The following MS4A13 variants were observed in gnomAD, a reference collection of about 807,000 sequenced individuals.
The protein encoded by MS4A13 is membrane-spanning 4-domains subfamily A member 13.
Under a neutral mutation model 18.4 loss-of-function variants are expected in MS4A13, and 21 were observed. That is an observed-to-expected ratio of 1.14 (90% CI 0.81 to 1.64). The LOEUF is 1.64. Among genes scored for constraint, MS4A13 ranks in the 40% most tolerant of loss-of-function variants. The pLI is 0.00. For synonymous variants in MS4A13, 62 were observed against 57.2 expected (o/e 1.08, Z -0.38); for missense variants, 173 against 176.8 (o/e 0.98, Z 0.12).
At chr11:60,527,350 C>T (rs1270826827) in intron 5 of MS4A13, among the ~76,000 whole-genome samples, 1 of 141,384 alleles carries the variant, frequency 7.1e-6, no homozygotes, top group Non-Finnish European at 1.5e-5. Flanking sequence ...CTGCCAGGAA[C>T]TCATTCATTC....
At chr11:60,526,932 T>C (rs1464825095) in intron 5 of MS4A13, among the ~76,000 whole-genome samples, 2 of 152,256 alleles carry the variant, frequency 1.3e-5, no homozygotes, top group Non-Finnish European at 2.9e-5. Flanking sequence ...TTCCAAGTTT[T>C]CTTTTGTGAG....
intron 6 of MS4A13, among the ~76,000 whole-genome samples, chr11:60,538,185 AAAAAAACG>A (rs2086824631): frequency 2.0e-5 from 3 of 151,216 alleles, no homozygotes; most frequent in South Asian, 2.1e-4. Flanking sequence ...AATAAAAAAA[AAAAAAACG>A]AAAAAAAAAA....
At chr11:60,532,209 C>A (rs1222427956) in intron 6 of MS4A13, among the ~76,000 whole-genome samples, 1 of 152,218 alleles carries the variant, frequency 6.6e-6, no homozygotes, top group Non-Finnish European at 1.5e-5. Context: ...CTACAGCTCC[C>A]AGCATGAGCG....
At chr11:60,530,265 G>T (rs1649219358) in intron 6 of MS4A13, among the ~76,000 whole-genome samples, 1 of 152,216 alleles carries the variant, frequency 6.6e-6, no homozygotes, top group African/African-American at 2.4e-5. Flanking sequence ...TCCACTGGGG[G>T]AGAAAGGCAA....
intron 3 of MS4A13, among the ~76,000 whole-genome samples, chr11:60,519,112 A>G (rs1219031627): frequency 6.6e-6 from 1 of 152,382 alleles, no homozygotes; most frequent in East Asian, 1.9e-4. Context: ...ATTTTGATGC[A>G]CAAATAGCTA....
At chr11:60,531,196 G>A (rs745945553) in intron 6 of MS4A13, among the ~76,000 whole-genome samples, 1 of 152,066 alleles carries the variant, frequency 6.6e-6, no homozygotes, top group African/African-American at 2.4e-5. Flanking sequence ...AAGACCAAAA[G>A]CGTTATTAAA....
intron 4 of MS4A13, among the ~76,000 whole-genome samples, 181 bp from the exon 5 acceptor site, chr11:60,525,026 T>A (rs2086704170): frequency 1.3e-5 from 2 of 152,200 alleles, no homozygotes; most frequent in South Asian, 4.1e-4. Flanking sequence ...GGTGTTAATG[T>A]TTCCTCCAGA....
At chr11:60,521,023 A>G (rs2086670409) in intron 3 of MS4A13, among the ~76,000 whole-genome samples, 1 of 152,238 alleles carries the variant, frequency 6.6e-6, no homozygotes, top group Non-Finnish European at 1.5e-5. Context: ...GGAAACTGTC[A>G]AGGCTTGGGG....
intron 3 of MS4A13, among the ~76,000 whole-genome samples, 195 bp from the exon 4 acceptor site, chr11:60,523,702 T>C (rs1351781070): frequency 1.3e-5 from 2 of 152,232 alleles, no homozygotes; most frequent in African/African-American, 2.4e-5. Flanking sequence ...GTCTCTGTTA[T>C]GAGTGACTCT....
At chr11:60,532,299 AG>A (rs1383948606) in intron 6 of MS4A13, among the ~76,000 whole-genome samples, 1 of 152,210 alleles carries the variant, frequency 6.6e-6, no homozygotes, top group Non-Finnish European at 1.5e-5. Context: ...CAGTGGGCGC[AG>A]GCCAGTGTGT....
At chr11:60,540,718 G>A (rs2086850284) in intron 6 of MS4A13, among the ~76,000 whole-genome samples, 1 of 152,062 alleles carries the variant, frequency 6.6e-6, no homozygotes, top group Non-Finnish European at 1.5e-5. Flanking sequence ...AGGCCAACTC[G>A]GGAAGACCAT....
chr11:60,515,841 C>T (rs779106782), intron 1 of MS4A13, 128 bp from the exon 2 acceptor site: 13 of 152,020 alleles, frequency 8.6e-5, no homozygotes, highest in Non-Finnish European at 1.5e-4. Flanking sequence ...ATATTAAGGC[C>T]TAGAAAGAAG....
At chr11:60,530,872 C>T (rs188088850) in intron 6 of MS4A13, among the ~76,000 whole-genome samples, 19 of 152,222 alleles carry the variant, frequency 1.2e-4, no homozygotes, top group Non-Finnish European at 2.6e-4. Flanking sequence ...TTAGCAAGTT[C>T]CTCATTCACT....
chr11:60,529,641 CA>C (rs2086749650), intron 6 of MS4A13, among the ~76,000 whole-genome samples, 181 bp downstream of exon 6: 1 of 151,952 alleles, frequency 6.6e-6, no homozygotes, highest in African/African-American at 2.4e-5. Context: ...AACAGTAATA[CA>C]TGAAACTACA....
At chr11:60,539,730 A>G (rs887226218) in intron 6 of MS4A13, among the ~76,000 whole-genome samples, 3 of 152,212 alleles carry the variant, frequency 2.0e-5, no homozygotes, top group African/African-American at 7.2e-5. Context: ...GACTCTTCAT[A>G]TATAAGGGAA....
At chr11:60,540,304 G>A (rs1337518430) in intron 6 of MS4A13, among the ~76,000 whole-genome samples, 1 of 152,024 alleles carries the variant, frequency 6.6e-6, no homozygotes, top group Non-Finnish European at 1.5e-5. Context: ...GGCTAGATTT[G>A]GTCCATGTAT....
At chr11:60,520,227 C>G (rs927082618) in intron 3 of MS4A13, among the ~76,000 whole-genome samples, 66 of 152,090 alleles carry the variant, frequency 4.3e-4, no homozygotes, top group African/African-American at 1.6e-3. Context: ...CTCACAAGAT[C>G]TAATGGTTTT....
intron 6 of MS4A13, among the ~76,000 whole-genome samples, chr11:60,529,914 A>G (rs753065013): frequency 2.6e-5 from 4 of 152,282 alleles, no homozygotes; most frequent in African/African-American, 4.8e-5. Flanking sequence ...TAATTACTGC[A>G]TATGTAGCTT....
chr11:60,530,245 G>A (rs77635370), intron 6 of MS4A13, among the ~76,000 whole-genome samples: 3,891 of 152,306 alleles, frequency 0.026, 61 homozygotes, highest in Non-Finnish European at 0.038. Flanking sequence ...CTCCATTAGG[G>A]AGTTTGCATT....
Sources: allele counts gnomAD v4.1 joint callset (sites outside exome capture counted in the v4.1 genomes callset), GRCh38; gene constraint gnomAD v4.1.1; transcripts MANE v1.5; gene names NCBI Gene and HGNC (gene_info 2026-07-23, HGNC 2026-07-21).